PINX1: variants seen among roughly 807,000 people sequenced by gnomAD.
The protein encoded by PINX1 is PIN2 (TERF1) interacting telomerase inhibitor 1, also known as PIN2/TERF1-interacting telomerase inhibitor 1.
PINX1 carries 34 observed loss-of-function variants against 25.4 expected under a neutral mutation model. That is an observed-to-expected ratio of 1.34 (90% CI 1.02 to 1.78). The LOEUF (loss-of-function observed/expected upper bound fraction) is 1.78, where lower values mean the gene tolerates loss of function less well. Ranked by LOEUF, PINX1 falls within the 40% of genes most tolerant of loss-of-function variation. The pLI is 0.00. For missense variants in PINX1, 592 were observed against 404.9 expected (o/e 1.46, Z -3.97); for synonymous variants, 197 against 147.7 (o/e 1.33, Z -2.42).
chr8:10,813,879 T>C (rs1412167165), intron 6 of PINX1, among the ~76,000 whole-genome samples: 3 of 120,568 alleles, frequency 2.5e-5, no homozygotes, highest in African/African-American at 9.7e-5. Flanking sequence ...GGAAGGAAAC[T>C]GGGAAGGTGG....
At chr8:10,793,658 T>C (rs1416452802) in intron 6 of PINX1, among the ~76,000 whole-genome samples, 1 of 152,154 alleles carries the variant, frequency 6.6e-6, no homozygotes, top group Non-Finnish European at 1.5e-5. Flanking sequence ...AACGGGGGCA[T>C]TTGTTTTAAT....
At chr8:10,793,625 G>C (rs1472049260) in intron 6 of PINX1, among the ~76,000 whole-genome samples, 1 of 151,748 alleles carries the variant, frequency 6.6e-6, no homozygotes, top group Non-Finnish European at 1.5e-5. Flanking sequence ...TAATGCTAAA[G>C]AAAGGACACA....
At chr8:10,769,255 C>CA (rs541505763) in intron 6 of PINX1, among the ~76,000 whole-genome samples, 1 of 152,104 alleles carries the variant, frequency 6.6e-6, no homozygotes, top group African/African-American at 2.4e-5. Flanking sequence ...CCACTAATGG[C>CA]AAAAACCGTG....
chr8:10,793,214 T>G (rs1801979365), intron 6 of PINX1, among the ~76,000 whole-genome samples: 2 of 152,328 alleles, frequency 1.3e-5, no homozygotes, highest in South Asian at 4.1e-4. Context: ...CTGCATCCTC[T>G]AAACTATTTT....
chr8:10,786,027 A>C (rs1164717017), intron 6 of PINX1, among the ~76,000 whole-genome samples: 1 of 152,206 alleles, frequency 6.6e-6, no homozygotes, highest in Admixed American at 6.5e-5. Flanking sequence ...ACGGTGAGTA[A>C]AAGGGAGGCA....
At chr8:10,768,707 T>C (rs1801134086) in intron 6 of PINX1, among the ~76,000 whole-genome samples, 1 of 152,058 alleles carries the variant, frequency 6.6e-6, no homozygotes, top group South Asian at 2.1e-4. Flanking sequence ...AAAGGAAAAA[T>C]ACATTGAAAA....
chr8:10,779,790 T>C (rs1336451514), intron 6 of PINX1, among the ~76,000 whole-genome samples: 4 of 152,204 alleles, frequency 2.6e-5, no homozygotes, highest in Admixed American at 1.3e-4. Context: ...AAAGAAATTA[T>C]AGTTTTATAC....
intron 6 of PINX1, among the ~76,000 whole-genome samples, chr8:10,813,166 A>AT (rs1797589134): frequency 6.6e-6 from 1 of 152,214 alleles, no homozygotes; most frequent in South Asian, 2.1e-4. Flanking sequence ...TTGTGGGCTT[A>AT]TAGTTCTCCC....
chr8:10,787,827 T>C (rs1313361333), intron 6 of PINX1: 2 of 455,068 alleles, frequency 4.4e-6, no homozygotes, highest in Non-Finnish European at 8.8e-6. Context: ...AACAATAAAC[T>C]GCAAAGAAAA....
chr8:10,812,997 T>C (rs1441972640), intron 6 of PINX1, among the ~76,000 whole-genome samples: 1 of 152,246 alleles, frequency 6.6e-6, no homozygotes, highest in African/African-American at 2.4e-5. Context: ...AGCTTTCACC[T>C]TAAAGCAGTG....
intron 5 of PINX1, among the ~76,000 whole-genome samples, chr8:10,820,738 G>C (rs1334906269): frequency 6.6e-6 from 1 of 152,044 alleles, no homozygotes; most frequent in African/African-American, 2.4e-5. Flanking sequence ...GAATGAGAAC[G>C]TATCATATTT....
At chr8:10,769,882 G>C (rs887612311) in intron 6 of PINX1, among the ~76,000 whole-genome samples, 1 of 152,128 alleles carries the variant, frequency 6.6e-6, no homozygotes, top group Non-Finnish European at 1.5e-5. Flanking sequence ...CAAAACTAAA[G>C]TATGTATCAA....
At chr8:10,792,712 T>C (rs571574235) in intron 6 of PINX1, among the ~76,000 whole-genome samples, 4 of 152,316 alleles carry the variant, frequency 2.6e-5, no homozygotes, top group South Asian at 4.1e-4. Context: ...GTTGTATCTA[T>C]AGGTGACTGT....
At chr8:10,800,178 G>A (rs1211514341) in intron 6 of PINX1, among the ~76,000 whole-genome samples, 1 of 152,134 alleles carries the variant, frequency 6.6e-6, no homozygotes, top group East Asian at 1.9e-4. Context: ...CTTGGGTGCA[G>A]GAATATTACC....
At chr8:10,839,686 C>G (rs971333095) in intron 1 of PINX1, 52 bp downstream of exon 1, 3 of 1,573,148 alleles carry the variant, frequency 1.9e-6, no homozygotes, top group African/African-American at 2.7e-5. Context: ...GTGCGCGTCA[C>G]CCGGCATCTT....
intron 6 of PINX1, 99 bp from the exon 7 acceptor site, chr8:10,766,015 C>T: frequency 8.4e-7 from 1 of 1,188,082 alleles, no homozygotes; most frequent in Non-Finnish European, 1.2e-6. Context: ...ACCTGGCACC[C>T]ACACCCGGCG....
intron 6 of PINX1, among the ~76,000 whole-genome samples, chr8:10,819,719 C>G (rs1011167251): frequency 2.0e-5 from 3 of 152,172 alleles, no homozygotes; most frequent in Admixed American, 6.5e-5. Context: ...ATCAAACCCC[C>G]TTATAGATGG....
intron 5 of PINX1, among the ~76,000 whole-genome samples, chr8:10,820,931 C>G (rs1797847778): frequency 6.6e-6 from 1 of 152,182 alleles, no homozygotes; most frequent in Non-Finnish European, 1.5e-5. Context: ...TTAAATGGCT[C>G]TATGGTTCTT....
At chr8:10,811,001 T>C (rs1797498619) in intron 6 of PINX1, among the ~76,000 whole-genome samples, 1 of 152,234 alleles carries the variant, frequency 6.6e-6, no homozygotes, top group South Asian at 2.1e-4. Flanking sequence ...TATAAGTTAT[T>C]ATTGGCCATT....
Sources: gnomAD v4.1 joint callset for allele counts (sites outside exome capture counted in the v4.1 genomes callset) on GRCh38, gnomAD v4.1.1 for gene constraint, MANE v1.5 for transcripts, NCBI Gene and HGNC (gene_info 2026-07-23, HGNC 2026-07-21) for gene names.